Variants in CXADR observed in about 807,000 individuals in gnomAD.
CXADR encodes CXADR cell adhesion molecule, also known as coxsackievirus and adenovirus receptor.
CXADR carries 20 observed loss-of-function variants against 40.3 expected under a neutral mutation model. The observed-to-expected ratio is 0.50, with a 90% CI of 0.35 to 0.72. The LOEUF (loss-of-function observed/expected upper bound fraction) is 0.72. Ranked by LOEUF, CXADR falls within the 30% of genes least tolerant of loss-of-function variation. CXADR has a pLI of 0.01. For missense variants in CXADR, 332 were observed against 449.1 expected (o/e 0.74, Z 2.36); for synonymous variants, 150 against 161.3 (o/e 0.93, Z 0.53).
At chr21:17,521,489 A>AT (rs2060530013) in intron 1 of CXADR, among the ~76,000 whole-genome samples, 1 of 151,920 alleles carries the variant, frequency 6.6e-6, no homozygotes, top group South Asian at 2.1e-4. Flanking sequence ...CACCTGGCTA[A>AT]TTTTTTTATT....
At chr21:17,586,972 A>G (rs886287145) in intron 7 of CXADR, among the ~76,000 whole-genome samples, 2 of 151,954 alleles carry the variant, frequency 1.3e-5, no homozygotes, top group Non-Finnish European at 2.9e-5. Flanking sequence ...CCCACCTATG[A>G]GTGAGAACAT....
downstream of CXADR, chr21:17,594,382 C>G: frequency 6.4e-7 from 1 of 1,558,780 alleles, no homozygotes; most frequent in East Asian, 2.3e-5. Context: ...AAATCATCAT[C>G]TATGTTCCAG....
At chr21:17,613,152 C>G in the CXADR span, 1 of 152,234 alleles carries the variant, frequency 6.6e-6, no homozygotes, top group African/African-American at 2.4e-5. Flanking sequence ...CCGCGGGCTT[C>G]CCTCCCCGGC....
In CXADR at chr21:17,566,554, A is replaced by T; in HGVS notation, c.*862A>T. The stretch of plus-strand genomic sequence containing the variant: ...TAGTATCTCATAGTTCCCAGGTGAT[A>T]TTTTTCTTATTAGAAAAATATTATA... On this transcript the variant is annotated 3_prime_UTR_variant, in exon 7 of 7. Coordinates refer to ENST00000284878, the MANE Select transcript of CXADR (RefSeq NM_001338.5). The T allele has an allele frequency of 1.0e-6, 1 of 984,376 alleles. No individual in the cohort carries two copies. Among genetic ancestry groups the T allele is most frequent in the Non-Finnish European group, 1.2e-6 (1 of 829,040 alleles). 61.0% of individuals were successfully genotyped at this position (984,376 alleles called of 1,614,324 possible).
the CXADR span, among the ~76,000 whole-genome samples, chr21:17,629,185 G>A: frequency 6.6e-6 from 1 of 152,006 alleles, no homozygotes; most frequent in South Asian, 2.1e-4. Context: ...TTTGAGACCA[G>A]TCTGGCCAAC....
At chr21:17,625,290 T>C in the CXADR span, among the ~76,000 whole-genome samples, 1 of 152,124 alleles carries the variant, frequency 6.6e-6, no homozygotes, top group Non-Finnish European at 1.5e-5. Flanking sequence ...CTGAGGTCAT[T>C]ATAGCAACTT....
intron 1 of CXADR, among the ~76,000 whole-genome samples, chr21:17,524,051 T>C (rs1441009591): frequency 6.6e-6 from 1 of 151,300 alleles, no homozygotes; most frequent in Non-Finnish European, 1.5e-5. Flanking sequence ...TGCGTGTGTG[T>C]GTGTGTGTGT....
At chr21:17,594,368 G>GA (rs2061476405), downstream of CXADR, 3 of 1,578,598 alleles carry the variant, frequency 1.9e-6, no homozygotes, top group Admixed American at 3.8e-5. Context: ...TAATTCAAAG[G>GA]AAAAAATCAT....
At chr21:17,550,122 C>T (rs141413704) in intron 2 of CXADR, among the ~76,000 whole-genome samples, 7 of 152,084 alleles carry the variant, frequency 4.6e-5, no homozygotes, top group South Asian at 2.1e-4. Context: ...TTTGGGAGGC[C>T]GAGGCAGGCG....
intron 1 of CXADR, among the ~76,000 whole-genome samples, chr21:17,528,837 ACT>A (rs995555720): frequency 2.7e-4 from 41 of 151,876 alleles, no homozygotes; most frequent in South Asian, 1.7e-3. Context: ...GCCTTTCCCA[ACT>A]CTCACACCCC....
chr21:17,551,397 A>G (rs1437428272), intron 2 of CXADR, among the ~76,000 whole-genome samples: 1 of 141,342 alleles, frequency 7.1e-6, no homozygotes, highest in Non-Finnish European at 1.5e-5. Context: ...CACCTCAAAA[A>G]GAAAAGAAAA....
the CXADR span, among the ~76,000 whole-genome samples, chr21:17,629,878 C>G: frequency 6.6e-6 from 1 of 152,066 alleles, no homozygotes; most frequent in East Asian, 1.9e-4. Flanking sequence ...TAAACTCTGC[C>G]TGTGGAGAAA....
At chr21:17,524,203 C>A (rs953975200) in intron 1 of CXADR, among the ~76,000 whole-genome samples, 5 of 151,880 alleles carry the variant, frequency 3.3e-5, no homozygotes, top group African/African-American at 1.2e-4. Flanking sequence ...CTACATTGAT[C>A]TCTTCTGTGC....
chr21:17,518,638 A>G, intron 1 of CXADR: 1 of 1,599,116 alleles, frequency 6.3e-7, no homozygotes, highest in Non-Finnish European at 8.6e-7. Flanking sequence ...TTGCCGTGGG[A>G]ACTGTTCAGC....
At chr21:17,513,274 G>A in intron 1 of CXADR, 102 bp downstream of exon 1, 1 of 1,137,538 alleles carries the variant, frequency 8.8e-7, no homozygotes, top group Non-Finnish European at 1.1e-6. Context: ...GGGCGGGCGC[G>A]ATTTGGGGGC....
chr21:17,609,174 T>C, the CXADR span: 2 of 1,594,510 alleles, frequency 1.3e-6, no homozygotes, highest in South Asian at 1.1e-5. Context: ...AAACATGTTT[T>C]CTCAGAAAAA....
At chr21:17,565,185 TTTCA>T (rs1289372319) in intron 6 of CXADR, among the ~76,000 whole-genome samples, 1 of 152,188 alleles carries the variant, frequency 6.6e-6, no homozygotes, top group Non-Finnish European at 1.5e-5. Flanking sequence ...AAATACCATA[TTTCA>T]TTAAGTGTGA....
intron 3 of CXADR, 87 bp from the exon 4 acceptor site, chr21:17,558,889 A>G: frequency 7.5e-7 from 1 of 1,336,756 alleles, no homozygotes; most frequent in Non-Finnish European, 1.0e-6. Flanking sequence ...ACCAACTGAT[A>G]ATGAGTCAGT....
chr21:17,521,462 A>G (rs1039415423), intron 1 of CXADR, among the ~76,000 whole-genome samples: 38 of 152,262 alleles, frequency 2.5e-4, no homozygotes, highest in African/African-American at 8.7e-4. Flanking sequence ...AGCTGGGAAT[A>G]CAGGTGCCCG....
Sources: gnomAD v4.1 joint callset for allele counts (sites outside exome capture counted in the v4.1 genomes callset) on GRCh38, gnomAD v4.1.1 for gene constraint, MANE v1.5 for transcripts, NCBI Gene and HGNC (gene_info 2026-07-23, HGNC 2026-07-21) for gene names.